The following TECPR2 variants were observed in gnomAD, a reference collection of about 807,000 sequenced individuals.
The protein encoded by TECPR2 is tectonin beta-propeller repeat-containing protein 2.
A neutral mutation model predicts 138.1 loss-of-function variants in TECPR2; 65 were observed. The observed-to-expected ratio is 0.47, with a 90% CI of 0.39 to 0.58. The LOEUF is 0.58. Ranked by LOEUF, TECPR2 falls within the 20% of genes least tolerant of loss-of-function variation. TECPR2 has a pLI of 0.00. For missense variants in TECPR2, 1,553 were observed against 1,824.5 expected, an observed-to-expected ratio of 0.85 and a Z score of 2.71; for synonymous variants, 746 against 749.8, an observed-to-expected ratio of 0.99 and a Z score of 0.08.
intron 15 of TECPR2, among the ~76,000 whole-genome samples, chr14:102,451,703 T>C (rs1269958943): frequency 6.6e-6 from 1 of 152,234 alleles, no homozygotes; most frequent in Non-Finnish European, 1.5e-5. Flanking sequence ...TTCCAAAACG[T>C]GGCCACAAGT....
chr14:102,370,349 G>C (rs745509247), intron 1 of TECPR2, among the ~76,000 whole-genome samples: 2 of 152,100 alleles, frequency 1.3e-5, no homozygotes. Flanking sequence ...GGGATTACAC[G>C]CGTGAACCAC....
At chr14:102,468,187 G>C (rs1056769309) in intron 17 of TECPR2, among the ~76,000 whole-genome samples, 1 of 148,614 alleles carries the variant, frequency 6.7e-6, no homozygotes, top group Non-Finnish European at 1.5e-5. Context: ...ATCTTTTACT[G>C]AGTTTGTTTG....
At chr14:102,365,591 C>G (rs775259682) in intron 1 of TECPR2, among the ~76,000 whole-genome samples, 1 of 152,182 alleles carries the variant, frequency 6.6e-6, no homozygotes, top group Admixed American at 6.5e-5. Context: ...ACCTTGAGAA[C>G]ATTAGGCTAA....
chr14:102,386,817 T>A (rs1298230385), intron 2 of TECPR2, among the ~76,000 whole-genome samples: 6 of 152,156 alleles, frequency 3.9e-5, no homozygotes, highest in African/African-American at 7.2e-5. Context: ...TTTATGTTGT[T>A]GTTGTTGTCA....
chr14:102,463,293 T>G (rs1369323511), intron 16 of TECPR2, among the ~76,000 whole-genome samples: 1 of 151,694 alleles, frequency 6.6e-6, no homozygotes, highest in Non-Finnish European at 1.5e-5. Context: ...GGCAGGTGCC[T>G]GTAATCCCAG....
At position 102,415,806 on chromosome 14, in the gene TECPR2, C is replaced by G. The variant is rs1889008218; in HGVS notation, c.638+1013C>G. On this transcript the variant is annotated intron_variant, in intron 5 of 19. Coordinates refer to ENST00000359520, the MANE Select transcript of TECPR2 (RefSeq NM_014844.5). This position sits in a 1 kb window ranked among gnomAD's most constrained non-coding sequence, Gnocchi z 4.3. ...AATCAGGGGCAGGGCAGCTGATGGT[C>G]ACGGCATGTGGGGAGGGCTTGAGGC... Among the ~76,000 whole-genome samples the G allele has an allele frequency of 6.6e-6, 1 of 152,130 alleles. No homozygotes were observed. The highest frequency in any genetic ancestry group is 2.1e-4 in the South Asian group (1 of 4,824).
chr14:102,407,840 AC>A (rs1453928575), intron 3 of TECPR2, among the ~76,000 whole-genome samples: 2 of 152,138 alleles, frequency 1.3e-5, no homozygotes, highest in Non-Finnish European at 2.9e-5. Context: ...ACTAAAAAAT[AC>A]AAAAAATTAG....
chr14:102,375,236 C>A (rs961701278), intron 1 of TECPR2, among the ~76,000 whole-genome samples: 2 of 151,552 alleles, frequency 1.3e-5, no homozygotes, highest in African/African-American at 4.9e-5. Context: ...GTCCCAGCTA[C>A]GTGGGAGGTG....
intron 2 of TECPR2, among the ~76,000 whole-genome samples, chr14:102,405,831 A>G (rs1461758450): frequency 6.6e-6 from 1 of 152,224 alleles, no homozygotes; most frequent in East Asian, 1.9e-4. Context: ...TACATACAAG[A>G]GAATATGAGT....
intron 13 of TECPR2, among the ~76,000 whole-genome samples, chr14:102,448,993 G>A (rs971330686): frequency 1.3e-5 from 2 of 152,206 alleles, no homozygotes; most frequent in Non-Finnish European, 2.9e-5. Flanking sequence ...TGGGCATAGT[G>A]GTTCATGCCA....
chr14:102,374,116 T>A (rs1887583403), intron 1 of TECPR2, among the ~76,000 whole-genome samples: 1 of 151,588 alleles, frequency 6.6e-6, no homozygotes, highest in Admixed American at 6.6e-5. Context: ...TAAAAATGCT[T>A]GGAAAACTGG....
chr14:102,402,247 A>T (rs1036048491), intron 2 of TECPR2, among the ~76,000 whole-genome samples: 2 of 152,188 alleles, frequency 1.3e-5, no homozygotes, highest in Non-Finnish European at 2.9e-5. Context: ...ACAGAAGGAA[A>T]ATTGGAGAAT....
intron 2 of TECPR2, among the ~76,000 whole-genome samples, chr14:102,399,791 A>G (rs1056178048): frequency 4.6e-5 from 7 of 151,846 alleles, no homozygotes; most frequent in Non-Finnish European, 1.0e-4. Flanking sequence ...AGATCTGGCC[A>G]CTGCGCTCCA....
chr14:102,486,893 G>T (rs368327066), intron 17 of TECPR2, among the ~76,000 whole-genome samples: 1 of 152,190 alleles, frequency 6.6e-6, no homozygotes, highest in South Asian at 2.1e-4. Context: ...CCAGAAGCAG[G>T]AAGAGGGTCT....
At chr14:102,369,454 T>A (rs1887434700) in intron 1 of TECPR2, among the ~76,000 whole-genome samples, 1 of 152,088 alleles carries the variant, frequency 6.6e-6, no homozygotes, top group Admixed American at 6.5e-5. Flanking sequence ...AGTGGCTTGA[T>A]CATGGCTCAC....
chr14:102,483,994 A>G (rs182639060), intron 17 of TECPR2, among the ~76,000 whole-genome samples: 1,183 of 109,526 alleles, frequency 0.011, 33 homozygotes, highest in African/African-American at 0.042. Flanking sequence ...ACAAGGTTTC[A>G]CCATGTTTGC....
At chr14:102,467,994 G>A (rs1440467811) in intron 17 of TECPR2, among the ~76,000 whole-genome samples, 16 of 147,648 alleles carry the variant, frequency 1.1e-4, no homozygotes, top group African/African-American at 3.4e-4. Flanking sequence ...GTGCCTCCAC[G>A]CCTGGCTATT....
chr14:102,407,398 G>A lies in TECPR2; in HGVS notation c.280G>A (p.Ala94Thr). 2 of 1,613,688 alleles carry A rather than the reference G, an allele frequency of 1.2e-6. No individual in the cohort carries two copies. The highest frequency in any genetic ancestry group is 4.5e-5 in the East Asian group (2 of 44,848). Residue 94 changes from alanine (A) to threonine (T), a missense_variant, in exon 3 of 20, where the codon GCA becomes ACA. Coordinates refer to ENST00000359520, the MANE Select transcript of TECPR2 (RefSeq NM_014844.5). Reference protein sequence around the residue: ...LLSCFDDLVAAGTASGRVAVF... With the variant: ...LLSCFDDLVATGTASGRVAVF... ...GAGCTGCTTTGATGACCTGGTGGCAGCAGGCACAGCCTCTGGCAGGGTTGC... is the reference window on the plus strand; with the variant it reads ...GAGCTGCTTTGATGACCTGGTGGCAACAGGCACAGCCTCTGGCAGGGTTGC...
At chr14:102,390,106 C>A (rs538888007) in intron 2 of TECPR2, among the ~76,000 whole-genome samples, 24 of 152,306 alleles carry the variant, frequency 1.6e-4, no homozygotes, top group Non-Finnish European at 2.4e-4. Context: ...CTACTAAAAG[C>A]AGCTCATAAA....
Sources: allele counts gnomAD v4.1 joint callset (sites outside exome capture counted in the v4.1 genomes callset), GRCh38; gene constraint gnomAD v4.1.1; non-coding constraint Gnocchi (gnomAD v3.1); transcripts MANE v1.5; gene names NCBI Gene and HGNC (gene_info 2026-07-23, HGNC 2026-07-21).